ARVCF: variants seen among roughly 807,000 people sequenced by gnomAD.
ARVCF encodes the protein splicing regulator ARVCF.
A neutral mutation model predicts 90.9 loss-of-function variants in ARVCF; 66 were observed. The ratio of observed to expected loss-of-function variants is 0.73; its 90% CI spans 0.60 to 0.89. The LOEUF (loss-of-function observed/expected upper bound fraction) is 0.89, where lower values mean the gene tolerates loss of function less well. ARVCF is among the 40% of genes least tolerant of loss of function. The pLI is 0.00. For missense variants in ARVCF, 1,469 were observed against 1,382.3 expected (o/e 1.06, Z -1.00); for synonymous variants, 653 against 603.4 (o/e 1.08, Z -1.21).
chr22:19,993,783 G>A (rs1944118919), intron 2 of ARVCF, among the ~76,000 whole-genome samples: 1 of 152,228 alleles, frequency 6.6e-6, no homozygotes, highest in African/African-American at 2.4e-5. Context: ...GTTCCAACCA[G>A]AAAACATCAG....
chr22:19,984,331 G>A (rs1018412068), intron 3 of ARVCF, among the ~76,000 whole-genome samples: 1 of 152,160 alleles, frequency 6.6e-6, no homozygotes, highest in Non-Finnish European at 1.5e-5. Context: ...GGGTCTGACA[G>A]GCAGAGCTGG....
chr22:19,969,110 C>T (rs1202838744), downstream of ARVCF: 5 of 231,136 alleles, frequency 2.2e-5, no homozygotes, highest in Non-Finnish European at 4.4e-5. Context: ...CTCCCCTTGA[C>T]GGACGCTAAC....
At position 19,981,451 on chromosome 22, in the gene ARVCF, C is replaced by A. The variant is rs1943494410; in HGVS notation, c.656G>T (p.Gly219Val). 2 of 1,548,896 alleles carry A rather than the reference C, an allele frequency of 1.3e-6. No homozygotes were observed. Among genetic ancestry groups the A allele is most frequent in the Non-Finnish European group, 8.7e-7 (1 of 1,148,844 alleles). ...GMRPPRAGPL[G>V]PGPGDGCFTL... ...GAAGCAGCCATCACCAGGGCCTGGG[C>A]CAAGGGGGCCAGCACGTGGGGGCCG... Residue 219 changes from glycine to valine, a missense_variant, in exon 5 of 20, where the codon GGC becomes GTC. By Grantham distance (109) the Gly-to-Val change is moderately radical. Coordinates refer to ENST00000263207, the MANE Select transcript of ARVCF (RefSeq NM_001670.3).
chr22:19,975,826 G>C, intron 10 of ARVCF, 69 bp from the exon 11 acceptor site: 1 of 1,543,814 alleles, frequency 6.5e-7, no homozygotes, highest in South Asian at 1.1e-5. Flanking sequence ...GGAGAGTTGG[G>C]CACAGTTCTC....
chr22:19,977,616 G>A lies in ARVCF; in HGVS notation c.1699-30C>T, dbSNP rs373142503. 393 of 1,498,598 alleles carry A rather than the reference G, an allele frequency of 2.6e-4. 1 individual carries two copies. The highest frequency in any genetic ancestry group is 3.3e-4 in the Non-Finnish European group (371 of 1,124,116). 92.8% of individuals were successfully genotyped at this position (1,498,598 alleles called of 1,614,324 possible). On this transcript the variant is annotated intron_variant, in intron 8 of 19. Coordinates refer to ENST00000263207, the MANE Select transcript of ARVCF (RefSeq NM_001670.3). ...AGGGAGAGGTGAGTGGGTGGGGCAGGGCACCCTAGGCACAGGGCTGGCCCT... is the reference window on the plus strand; with the variant it reads ...AGGGAGAGGTGAGTGGGTGGGGCAGAGCACCCTAGGCACAGGGCTGGCCCT...
At chr22:19,979,199 G>A in intron 6 of ARVCF, 119 bp from the exon 7 acceptor site, 1 of 1,151,698 alleles carries the variant, frequency 8.7e-7, no homozygotes, top group Non-Finnish European at 1.2e-6. Context: ...CAGAACAGTA[G>A]GAAGTAACAA....
chr22:20,000,550 T>A (rs1464848958), intron 2 of ARVCF, among the ~76,000 whole-genome samples: 1 of 151,982 alleles, frequency 6.6e-6, no homozygotes, highest in Non-Finnish European at 1.5e-5. Context: ...GTGTGTCCAG[T>A]CCCCACTACA....
chr22:19,975,415 G>A (rs1280337205), intron 11 of ARVCF, among the ~76,000 whole-genome samples: 10 of 152,086 alleles, frequency 6.6e-5, no homozygotes, highest in South Asian at 4.1e-4. Context: ...CACCTCTTAC[G>A]CACCGTGAGG....
rs758165359 is a variant in ARVCF, at chr22:19,977,970, G to GTCCT, written c.1682_1685dup (p.Asp562GlufsTer4). 6.2e-7 allele frequency: 1 copy of GTCCT among 1,608,084 alleles called. No individual in the cohort carries two copies. Among genetic ancestry groups the GTCCT allele is most frequent in the Non-Finnish European group, 8.5e-7 (1 of 1,177,296 alleles). The stretch of plus-strand genomic sequence containing the variant: ...CGTCCCTGCCCACCTTGTTGTCAGT[G>GTCCT]TCCTTCCGGCCCACAGCCGACTGCA... On this transcript the variant is annotated frameshift_variant, in exon 8 of 20. Coordinates refer to ENST00000263207, the MANE Select transcript of ARVCF (RefSeq NM_001670.3). LOFTEE classifies it high-confidence loss of function.
At chr22:19,968,406 G>A (rs993728200), downstream of ARVCF, 30 of 886,604 alleles carry the variant, frequency 3.4e-5, no homozygotes, top group South Asian at 7.1e-5. Flanking sequence ...GGCAGAAAGT[G>A]GAAACCTGGC....
At chr22:19,966,735 A>C (rs9332373), downstream of ARVCF, among the ~76,000 whole-genome samples, 6 of 151,582 alleles carry the variant, frequency 4.0e-5, no homozygotes, top group Admixed American at 1.3e-4. Context: ...GCTTGGTCTG[A>C]GGCTCCAACT....
intron 3 of ARVCF, chr22:19,987,124 A>C (rs768084644): frequency 1.9e-6 from 1 of 518,240 alleles, no homozygotes; most frequent in Non-Finnish European, 3.5e-6. Flanking sequence ...GCTGGCCAGC[A>C]GCGGGGGAGG....
chr22:19,972,948 C>G lies in ARVCF; in HGVS notation c.2527G>C (p.Gly843Arg), dbSNP rs1381965730. ...KELRGTLQKD[G>R]WTKARFQSAA... ...ACCTGGAAGCGCGCCTTGGTCCAAC[C>G]ATCTTTCTGCAAGGTACCACGCAGC... Residue 843 changes from glycine to arginine, a missense_variant, in exon 15 of 20, where the codon GGT becomes CGT. Transcript: ENST00000263207. The G allele has an allele frequency of 3.7e-6, 6 of 1,613,724 alleles. No individual in the cohort carries two copies. Among genetic ancestry groups the G allele is most frequent in the Non-Finnish European group, 4.2e-6 (5 of 1,180,034 alleles).
Position 19,973,987 on chromosome 22 carries a change from C to T in ARVCF, c.2088+125G>A, listed in dbSNP as rs190313155. 86 of 1,506,516 alleles carry T rather than the reference C, an allele frequency of 5.7e-5. No homozygotes were observed. The African/African-American group carries it at 1.0e-3, about 18-fold the overall frequency. 93.3% of individuals were successfully genotyped at this position (1,506,516 alleles called of 1,614,324 possible). A position where few individuals can be genotyped will look rare whatever the true frequency, so the allele number is the denominator to read the frequency against. On this transcript the variant is annotated intron_variant, in intron 12 of 19. Transcript: ENST00000263207. Reference sequence around the variant, plus strand: ...CGCATTGCCCGCAGCCCATACACCTCTTGGATCCTGGGGTGGTGGTGTGGC... The same window carrying T: ...CGCATTGCCCGCAGCCCATACACCTTTTGGATCCTGGGGTGGTGGTGTGGC...
rs771669785 is a variant in ARVCF at position 19,975,737 on chromosome 22, C to T, written c.1909G>A (p.Asp637Asn). 1 of 1,613,662 alleles carries T rather than the reference C, an allele frequency of 6.2e-7. No homozygotes were observed. The highest frequency in any genetic ancestry group is 1.1e-5 in the South Asian group (1 of 91,062). The change falls in exon 11 of 20, where the codon GAC becomes AAC. Residue 637 changes from aspartate to asparagine, a missense_variant. Physicochemically the swap from Asp to Asn is conservative, Grantham distance 23. Transcript: ENST00000263207. ...AGGTCTAGCGTGTCAAAGTTCCGGTCCATCTCACCATCCTTCTTTCCTGGA... is the reference window on the plus strand; with the variant it reads ...AGGTCTAGCGTGTCAAAGTTCCGGTTCATCTCACCATCCTTCTTTCCTGGA... ...FHQGKKDGEM[D>N]RNFDTLDLPK...
chr22:19,967,307 G>A (rs1324480163), downstream of ARVCF: 1 of 955,682 alleles, frequency 1.0e-6, no homozygotes, highest in South Asian at 1.4e-5. Flanking sequence ...AGACTGGAAG[G>A]CAGCCGCCCT....
rs1325975656 is a variant in ARVCF, at chr22:19,982,015, A to G, written c.287T>C (p.Val96Ala). 6.2e-7 allele frequency: 1 copy of G among 1,612,616 alleles called. No individual in the cohort carries two copies. The highest frequency in any genetic ancestry group is 8.5e-7 in the Non-Finnish European group (1 of 1,179,840). The change falls in exon 4 of 20, where the codon GTG (valine) becomes GCG (alanine). Residue 96 changes from valine to alanine, a missense_variant. Coordinates refer to ENST00000263207, the MANE Select transcript of ARVCF (RefSeq NM_001670.3). Reference sequence around the variant, plus strand: ...AGTGGGTGTGCCGGGGTCCTCCTCCACCGTCACGGTCTCCTCCAGCACATC... The same window carrying G: ...AGTGGGTGTGCCGGGGTCCTCCTCCGCCGTCACGGTCTCCTCCAGCACATC... ...APDVLEETVT[V>A]EEDPGTPTSH... is the part of the protein sequence containing the mutation.
intron 3 of ARVCF, among the ~76,000 whole-genome samples, chr22:19,982,444 T>A (rs778913017): frequency 1.3e-5 from 2 of 152,138 alleles, no homozygotes; most frequent in African/African-American, 2.4e-5. Flanking sequence ...ATGGCCTGGC[T>A]GCCACAGGCT....
chr22:19,987,198 C>G (rs1441598475), intron 3 of ARVCF: 2 of 399,112 alleles, frequency 5.0e-6, no homozygotes, highest in Admixed American at 4.5e-5. Context: ...GGCGGACTCG[C>G]TCCCCGCGGG....
Sources: gnomAD v4.1 joint callset for allele counts (sites outside exome capture counted in the v4.1 genomes callset) on GRCh38, gnomAD v4.1.1 for gene constraint, MANE v1.5 for transcripts, NCBI Gene and HGNC (gene_info 2026-07-23, HGNC 2026-07-21) for gene names.